Variants in ZNF746 observed in about 807,000 individuals in gnomAD.
ZNF746 encodes the protein zinc finger protein 746, also known as parkin-interacting substrate.
A neutral mutation model predicts 41.0 loss-of-function variants in ZNF746; 13 were observed. The ratio of observed to expected loss-of-function variants is 0.32; its 90% CI spans 0.21 to 0.50. The LOEUF is 0.50. Ranked by LOEUF, ZNF746 falls within the 20% of genes least tolerant of loss-of-function variation. The probability of loss-of-function intolerance (pLI) is 0.98; values close to 1 mark genes in which losing one functional copy is unlikely to be tolerated. For missense variants in ZNF746, 811 were observed against 922.9 expected (o/e 0.88, Z 1.57); for synonymous variants, 424 against 396.2 (o/e 1.07, Z -0.83).
intron 4 of ZNF746, chr7:149,488,450 C>T (rs556013229): frequency 6.6e-6 from 1 of 152,168 alleles, no homozygotes; most frequent in South Asian, 2.1e-4. Flanking sequence ...AAAGACCTGC[C>T]ACCGACACGG....
intron 4 of ZNF746, chr7:149,491,836 G>A: frequency 1.4e-6 from 1 of 700,886 alleles, no homozygotes; most frequent in Non-Finnish European, 2.6e-6. Flanking sequence ...GGTCTCCCTA[G>A]TCAAATGACC....
chr7:149,480,836 C>A (rs2116651235), intron 4 of ZNF746, among the ~76,000 whole-genome samples: 1 of 152,220 alleles, frequency 6.6e-6, no homozygotes, highest in South Asian at 2.1e-4. Flanking sequence ...GAAATTATTC[C>A]AACCTTAACA....
chr7:149,490,953 A>G (rs1800784439), intron 4 of ZNF746: 2 of 152,574 alleles, frequency 1.3e-5, no homozygotes, highest in African/African-American at 4.8e-5. Context: ...GAGGATGACA[A>G]GCACTCAGAG....
intron 4 of ZNF746, among the ~76,000 whole-genome samples, chr7:149,480,291 T>C (rs1800447293): frequency 2.0e-5 from 3 of 152,152 alleles, no homozygotes; most frequent in African/African-American, 7.2e-5. Context: ...ATAAGGAATA[T>C]AAAGTTCAAT....
chr7:149,478,271 G>A (rs1800379301), intron 4 of ZNF746, among the ~76,000 whole-genome samples: 1 of 152,194 alleles, frequency 6.6e-6, no homozygotes, highest in Non-Finnish European at 1.5e-5. Flanking sequence ...GGGCTTTCAT[G>A]TCCATGTGAG....
chr7:149,488,412 A>G (rs1800689204), intron 4 of ZNF746: 1 of 152,232 alleles, frequency 6.6e-6, no homozygotes, highest in African/African-American at 2.4e-5. Flanking sequence ...TTCAACAGTG[A>G]AAACTTCCAT....
intron 4 of ZNF746, among the ~76,000 whole-genome samples, chr7:149,480,032 C>T (rs533066210): frequency 6.6e-6 from 1 of 152,200 alleles, no homozygotes; most frequent in Non-Finnish European, 1.5e-5. Flanking sequence ...ACTCAGGAGG[C>T]CCATTGTGGC....
At chr7:149,476,115 C>T (rs1800293350) in intron 6 of ZNF746, among the ~76,000 whole-genome samples, 1 of 152,080 alleles carries the variant, frequency 6.6e-6, no homozygotes, top group Non-Finnish European at 1.5e-5. Context: ...GAGATTGAGA[C>T]CATCCTGGCT....
intron 4 of ZNF746, among the ~76,000 whole-genome samples, chr7:149,484,275 CAA>C (rs1351091198): frequency 6.6e-6 from 1 of 152,080 alleles, no homozygotes; most frequent in African/African-American, 2.4e-5. Context: ...CATCCATGAA[CAA>C]AGATTCAAAA....
intron 4 of ZNF746, among the ~76,000 whole-genome samples, chr7:149,485,648 T>G (rs1294405043): frequency 6.6e-6 from 1 of 152,008 alleles, no homozygotes; most frequent in Non-Finnish European, 1.5e-5. Context: ...CCAAGTACAT[T>G]AAAATGAAAA....
At chr7:149,487,028 T>C (rs1302156018) in intron 4 of ZNF746, among the ~76,000 whole-genome samples, 1 of 152,210 alleles carries the variant, frequency 6.6e-6, no homozygotes, top group Non-Finnish European at 1.5e-5. Flanking sequence ...AGCCACTCCC[T>C]GTCGCTGGCA....
intron 3 of ZNF746, among the ~76,000 whole-genome samples, chr7:149,493,514 G>A (rs1416305399): frequency 3.3e-5 from 5 of 152,068 alleles, no homozygotes; most frequent in African/African-American, 2.4e-5. Flanking sequence ...TAGCCCCAGG[G>A]GCTGAGGGAA....
In ZNF746 at chr7:149,497,112, A is replaced by G. The variant is rs1585746542; in HGVS notation, c.24+401T>C. 3 of 984,886 alleles carry G rather than the reference A, an allele frequency of 3.0e-6. No individual in the cohort carries two copies. The highest frequency in any genetic ancestry group is 3.6e-6 in the Non-Finnish European group (3 of 829,814). The allele number at this position is 984,886 out of a possible 1,614,324, so 61.0% of individuals were successfully genotyped here. On this transcript the variant is annotated intron_variant, in intron 1 of 6. Transcript: ENST00000458143. This position sits in a 1 kb window ranked among gnomAD's most constrained non-coding sequence, Gnocchi z 4.2. Reference sequence around the variant, plus strand: ...GGTGTATGCGGATTCGAAGCCGGACACCTCCCAGGTGCCACCAGGCCGCTG... The same window carrying G: ...GGTGTATGCGGATTCGAAGCCGGACGCCTCCCAGGTGCCACCAGGCCGCTG...
intron 4 of ZNF746, among the ~76,000 whole-genome samples, chr7:149,486,322 A>G (rs1800620523): frequency 6.6e-6 from 1 of 151,700 alleles, no homozygotes; most frequent in Non-Finnish European, 1.5e-5. Flanking sequence ...ATTTGAATAC[A>G]TGTCTTTTCT....
In ZNF746 at chr7:149,497,470, G is replaced by A. The variant is rs1289974989; in HGVS notation, c.24+43C>T. The A allele has an allele frequency of 1.4e-5, 15 of 1,082,826 alleles. No homozygotes were observed. The highest frequency in any genetic ancestry group is 5.1e-5 in the African/African-American group (3 of 58,884). The allele number at this position is 1,082,826 out of a possible 1,614,324, so 67.1% of individuals were successfully genotyped here. A position where few individuals can be genotyped will look rare whatever the true frequency, so the allele number is the denominator to read the frequency against. On this transcript the variant is annotated intron_variant, in intron 1 of 6. Coordinates refer to ENST00000458143, the MANE Select transcript of ZNF746 (RefSeq NM_001394198.1). The surrounding 1 kb of genome is among the most constrained non-coding windows in gnomAD (Gnocchi z 4.2). ...CGTGTGCCGGGGCCGGGCCGCCTGG[G>A]GCCCCCAGGCCGCGAGTCCCTGCGC...
In ZNF746 at chr7:149,478,022, T is replaced by C. The variant is rs189522280; in HGVS notation, c.566-267A>G. 1.8e-5 allele frequency: 7 copies of C among 390,662 alleles called. No individual in the cohort carries two copies. In the East Asian group the frequency reaches 2.4e-4, roughly 13 times the overall value. The allele number at this position is 390,662 out of a possible 1,614,324, so 24.2% of individuals were successfully genotyped here. ...CACATTCTCAGGGCTAGGCTGGTGGTCCAGAGGGAGACTAAGTTGCCCTGG... is the reference window on the plus strand; with the variant it reads ...CACATTCTCAGGGCTAGGCTGGTGGCCCAGAGGGAGACTAAGTTGCCCTGG... On this transcript the variant is annotated intron_variant, in intron 4 of 6. Coordinates refer to ENST00000458143, the MANE Select transcript of ZNF746 (RefSeq NM_001394198.1).
chr7:149,479,299 C>T (rs1179672984), intron 4 of ZNF746, among the ~76,000 whole-genome samples: 1 of 152,146 alleles, frequency 6.6e-6, no homozygotes, highest in Non-Finnish European at 1.5e-5. Context: ...TAATGACATT[C>T]AGACTACAGG....
Position 149,497,599 on chromosome 7 carries a change from A to G in ZNF746, c.-63T>C. ...CGTCGCCGCCGCCGCGCGCGGCACC[A>G]CGCAGGCCCGGCCGCCCGGTGCTCT... On this transcript the variant is annotated 5_prime_UTR_variant, in exon 1 of 7. Transcript: ENST00000458143. The surrounding 1 kb of genome is among the most constrained non-coding windows in gnomAD (Gnocchi z 4.2). 1 of 1,025,796 alleles carries G rather than the reference A, an allele frequency of 9.7e-7. No individual in the cohort carries two copies. The highest frequency in any genetic ancestry group is 1.2e-6 in the Non-Finnish European group (1 of 858,270). 63.5% of individuals were successfully genotyped at this position (1,025,796 alleles called of 1,614,324 possible). A position where few individuals can be genotyped will look rare whatever the true frequency, so the allele number is the denominator to read the frequency against.
intron 4 of ZNF746, among the ~76,000 whole-genome samples, chr7:149,482,831 AG>A: frequency 6.6e-6 from 1 of 152,344 alleles, no homozygotes; most frequent in East Asian, 1.9e-4. Context: ...ATAAAACTCT[AG>A]GGAGAAATGA....
Sources: gnomAD v4.1 joint callset for allele counts (sites outside exome capture counted in the v4.1 genomes callset) on GRCh38, gnomAD v4.1.1 for gene constraint, Gnocchi (gnomAD v3.1) non-coding constraint, MANE v1.5 for transcripts, NCBI Gene and HGNC (gene_info 2026-07-23, HGNC 2026-07-21) for gene names.